AFAP1: variants seen among roughly 807,000 people sequenced by gnomAD.
AFAP1 encodes actin filament-associated protein 1.
Under a neutral mutation model 93.9 loss-of-function variants are expected in AFAP1, and 75 were observed. The ratio of observed to expected loss-of-function variants is 0.80; its 90% confidence interval spans 0.66 to 0.97. The LOEUF is 0.97. AFAP1 is among the 50% of genes least tolerant of loss of function. The pLI is 0.00. For missense variants in AFAP1, 1,201 were observed against 1,050.8 expected, an observed-to-expected ratio of 1.14 and a Z score of -1.98; for synonymous variants, 517 against 430.7, an observed-to-expected ratio of 1.20 and a Z score of -2.48.
At chr4:7,850,385 C>A (rs1167101472) in intron 4 of AFAP1, among the ~76,000 whole-genome samples, 2 of 152,176 alleles carry the variant, frequency 1.3e-5, no homozygotes, top group African/African-American at 4.8e-5. Flanking sequence ...CACACCCACA[C>A]CCCATAACAT....
intron 4 of AFAP1, among the ~76,000 whole-genome samples, chr4:7,848,455 G>T (rs972665874): frequency 3.1e-4 from 47 of 152,288 alleles, no homozygotes; most frequent in African/African-American, 1.1e-3. Flanking sequence ...AGGAGGTGGG[G>T]AAGTGCGGGA....
intron 1 of AFAP1, among the ~76,000 whole-genome samples, chr4:7,896,539 C>T (rs1718779534): frequency 6.6e-6 from 1 of 150,548 alleles, no homozygotes; most frequent in Non-Finnish European, 1.5e-5. Flanking sequence ...CCTCACTCCC[C>T]CCACACCCAG....
intron 6 of AFAP1, among the ~76,000 whole-genome samples, chr4:7,824,821 G>A (rs1721288312): frequency 6.6e-6 from 1 of 152,154 alleles, no homozygotes; most frequent in South Asian, 2.1e-4. Flanking sequence ...GAAGGATGGT[G>A]AGGAACTGGT....
At position 7,868,780 on chromosome 4, in the gene AFAP1, A is replaced by G. The variant is rs1176727278; in HGVS notation, c.128-61T>C. Reference sequence around the variant, plus strand: ...GGATGGGGATGAGAAGGGTACCACTAGCATCTATCAGTTCCTGAACCCTGT... The same window carrying G: ...GGATGGGGATGAGAAGGGTACCACTGGCATCTATCAGTTCCTGAACCCTGT... On this transcript the variant is annotated intron_variant, in intron 2 of 17. Transcript: ENST00000420658. 8 of 1,403,204 alleles carry G rather than the reference A, an allele frequency of 5.7e-6. No individual in the cohort carries two copies. The African/African-American group carries it at 1.0e-4, about 18-fold the overall frequency. The allele number at this position is 1,403,204 out of a possible 1,614,324, so 86.9% of individuals were successfully genotyped here.
At position 7,772,877 on chromosome 4, in the gene AFAP1, C is replaced by T. The variant is rs528244171; in HGVS notation, c.2196G>A (p.Ala732=). ...TGGCCAGCCCCAGGGTGACTCCGCC[C>T]GCCAGCGCTTTCTTCAGGCTCTCCT... ...EVKESLKKAL[A]GGVTLGLAIE... Residue 732 remains alanine (A), a synonymous_variant, in exon 16 of 18, where the codon GCG becomes GCA. Coordinates refer to ENST00000420658, the MANE Select transcript of AFAP1 (RefSeq NM_001134647.2). The T allele has an allele frequency of 1.8e-5, 29 of 1,614,202 alleles. No homozygotes were observed. The highest frequency in any genetic ancestry group is 3.3e-5 in the Admixed American group (2 of 60,030).
intron 6 of AFAP1, among the ~76,000 whole-genome samples, chr4:7,828,997 G>A (rs186495791): frequency 3.2e-4 from 48 of 152,290 alleles, no homozygotes; most frequent in Admixed American, 5.2e-4. Context: ...TGCTGTTCTC[G>A]TGATAGTTAC....
chr4:7,782,114 G>C (rs766082082), intron 12 of AFAP1, among the ~76,000 whole-genome samples: 1 of 152,178 alleles, frequency 6.6e-6, no homozygotes, highest in East Asian at 1.9e-4. Context: ...CAGAGCACCC[G>C]ATGCTTTACA....
chr4:7,884,510 AT>A (rs143167352), intron 1 of AFAP1, among the ~76,000 whole-genome samples: 47,549 of 152,098 alleles, frequency 0.31, 9,029 homozygotes, highest in Non-Finnish European at 0.44. Flanking sequence ...ATACTAACAT[AT>A]TTAAATTCCC....
rs572302681 is a variant in AFAP1, at chr4:7,860,265, T to TTG, written c.226-4693_226-4692dup. ...ACCAGAAATGTTTCTGATTTTGATT[T>TTG]TGTGTGTGTGTGTGTATATGTGTGA... On this transcript the variant is annotated intron_variant, in intron 3 of 17. Transcript: ENST00000420658. Among the ~76,000 whole-genome samples the TTG allele has an allele frequency of 5.9e-3, 902 of 151,638 alleles. 7 individuals carry two copies. The highest frequency in any genetic ancestry group is 0.019 in the African/African-American group (781 of 41,366).
intron 1 of AFAP1, among the ~76,000 whole-genome samples, chr4:7,914,621 C>T (rs186735896): frequency 1.4e-4 from 22 of 152,280 alleles, no homozygotes; most frequent in Non-Finnish European, 2.9e-4. Flanking sequence ...ACAGATGCCC[C>T]TCCGACACTG....
At position 7,762,356 on chromosome 4, in the gene AFAP1, ATT is replaced by A. The variant is rs1445307704; in HGVS notation, c.*1407_*1408del. The A allele has an allele frequency of 6.6e-6, 1 of 152,236 alleles. No homozygotes were observed. The highest frequency in any genetic ancestry group is 2.4e-5 in the African/African-American group (1 of 41,456). 9.4% of individuals were successfully genotyped at this position (152,236 alleles called of 1,614,324 possible). A position where few individuals can be genotyped will look rare whatever the true frequency, so the allele number is the denominator to read the frequency against. On this transcript the variant is annotated 3_prime_UTR_variant, in exon 18 of 18. Coordinates refer to ENST00000420658, the MANE Select transcript of AFAP1 (RefSeq NM_001134647.2). ...CTTACACCAAGTATGGCACCTCTGT[ATT>A]CTATGCTTGGGGAAGGGGCGGTTGC...
At position 7,768,841 on chromosome 4, in the gene AFAP1, T is replaced by TA. The variant is rs1560144137; in HGVS notation, c.2418+2dup. 2 of 1,588,130 alleles carry TA rather than the reference T, an allele frequency of 1.3e-6. No individual in the cohort carries two copies. The highest frequency in any genetic ancestry group is 1.7e-6 in the Non-Finnish European group (2 of 1,162,222). ...CCAGACACCCCCGGACATCAGGGCT[T>TA]ACCTTGGCCTTCCGCAGCACATGCC... is the stretch of plus-strand genomic sequence containing the variant. On this transcript the variant is annotated splice_region_variant and intron_variant, in intron 17 of 17. Coordinates refer to ENST00000420658, the MANE Select transcript of AFAP1 (RefSeq NM_001134647.2).
At chr4:7,819,239 G>A (rs1720752252) in intron 6 of AFAP1, 68 bp from the exon 7 acceptor site, 1 of 1,410,690 alleles carries the variant, frequency 7.1e-7, no homozygotes, top group East Asian at 2.4e-5. Context: ...TGAACTGTGA[G>A]TTGTACAGAC....
chr4:7,938,847 G>A (rs962283486), intron 1 of AFAP1, among the ~76,000 whole-genome samples: 1 of 152,082 alleles, frequency 6.6e-6, no homozygotes, highest in Non-Finnish European at 1.5e-5. Context: ...CGCGGCGGTG[G>A]GACGCGCGGT....
rs377568321 is a variant in AFAP1 at position 7,901,932 on chromosome 4, T to C, written c.-2-29852A>G. The stretch of plus-strand genomic sequence containing the variant: ...CTATAAAGTCCCAGAGATTTTATAG[T>C]GGAATGCACCCCTCATTTGCATCAA... On this transcript the variant is annotated intron_variant, in intron 1 of 17. Coordinates refer to ENST00000420658, the MANE Select transcript of AFAP1 (RefSeq NM_001134647.2). Among the ~76,000 whole-genome samples the C allele has an allele frequency of 5.9e-5, 9 of 152,210 alleles. No homozygotes were observed. The East Asian group carries it at 1.5e-3, about 26-fold the overall frequency.
chr4:7,818,966 C>CA (rs1560178230), intron 7 of AFAP1, 110 bp downstream of exon 7: 10 of 1,065,460 alleles, frequency 9.4e-6, no homozygotes, highest in Non-Finnish European at 1.3e-5. Flanking sequence ...TGCACTTTTT[C>CA]TTTTTTAACT....
At chr4:7,777,371 G>A (rs1242505364) in intron 14 of AFAP1, 1 of 152,232 alleles carries the variant, frequency 6.6e-6, no homozygotes, top group African/African-American at 2.4e-5. Flanking sequence ...GTGGAGAAAA[G>A]CCTAGATCAG....
chr4:7,763,774 G>C lies in AFAP1; in HGVS notation c.2436C>G (p.Asn812Lys). The C allele has an allele frequency of 1.9e-6, 3 of 1,551,632 alleles. No individual in the cohort carries two copies. The highest frequency in any genetic ancestry group is 2.6e-6 in the Non-Finnish European group (3 of 1,146,940). The change falls in exon 18 of 18, where the codon AAC becomes AAG. Residue 812 changes from asparagine (N) to lysine (K), a missense_variant. Asn to Lys is a moderately conservative substitution (Grantham distance 94). Coordinates refer to ENST00000420658, the MANE Select transcript of AFAP1 (RefSeq NM_001134647.2). ...GTGGTGCTGCTGTCCCCTAGGTCCCGTTCTTCAATTCCCATTCCTAGAGGA... is the reference window on the plus strand; with the variant it reads ...GTGGTGCTGCTGTCCCCTAGGTCCCCTTCTTCAATTCCCATTCCTAGAGGA... ...LRKAKEWELK[N>K]GT
At chr4:7,914,618 C>T (rs1004804490) in intron 1 of AFAP1, among the ~76,000 whole-genome samples, 12 of 152,136 alleles carry the variant, frequency 7.9e-5, no homozygotes, top group African/African-American at 2.7e-4. Context: ...GGTACAGATG[C>T]CCCTCCGACA....
Sources: gnomAD v4.1 joint callset for allele counts (sites outside exome capture counted in the v4.1 genomes callset) on GRCh38, gnomAD v4.1.1 for gene constraint, MANE v1.5 for transcripts, NCBI Gene and HGNC (gene_info 2026-07-23, HGNC 2026-07-21) for gene names.